ANK2: variants seen among roughly 807,000 people sequenced by gnomAD.
ANK2 encodes the protein ankyrin 2.
Under a neutral mutation model 360.5 loss-of-function variants are expected in ANK2, and 83 were observed. The ratio of observed to expected loss-of-function variants is 0.23; its 90% confidence interval spans 0.19 to 0.28. The LOEUF (loss-of-function observed/expected upper bound fraction) is 0.28, where lower values mean the gene tolerates loss of function less well. Among genes scored for constraint, ANK2 ranks in the 10% least tolerant of loss-of-function variants. The pLI is 1.00. For missense variants in ANK2, 4,201 were observed against 4,795.7 expected, an observed-to-expected ratio of 0.88 and a Z score of 3.66; for synonymous variants, 1,740 against 1,759.5, an observed-to-expected ratio of 0.99 and a Z score of 0.28.
Position 112,832,048 on chromosome 4 carries a change from C to T in ANK2, c.-40+13784C>T, listed in dbSNP as rs180877620. ...GCTTCATTCTTGAAGTCAGCGAGAC[C>T]AAGAACCCACCAATTCCGGACACAA... On this transcript the variant is annotated intron_variant, in intron 1 of 30. Transcript: ENST00000503271. Among the ~76,000 whole-genome samples the T allele has an allele frequency of 2.6e-5, 4 of 152,222 alleles. No homozygotes were observed. The East Asian group carries it at 7.7e-4, about 29-fold the overall frequency.
chr4:113,358,463 A>G lies in ANK2; in HGVS notation c.9845A>G (p.Lys3282Arg). ...CCCGATTCTTCCCCAGAAGAACAGA[A>G]ATCAGTAATCGAGATTCCTACTGCA... The part of the protein sequence containing the change: ...DSPDSSPEEQ[K>R]SVIEIPTAPM... Residue 3282 changes from lysine (K) to arginine (R), a missense_variant, in exon 38 of 46, where the codon AAA (lysine) becomes AGA (arginine). Physicochemically the swap from Lys to Arg is conservative, Grantham distance 26. Transcript: ENST00000357077. The G allele has an allele frequency of 6.2e-7, 1 of 1,614,124 alleles. No homozygotes were observed. The highest frequency in any genetic ancestry group is 8.5e-7 in the Non-Finnish European group (1 of 1,179,970).
intron 26 of ANK2, among the ~76,000 whole-genome samples, chr4:113,324,247 C>T (rs151245186): frequency 6.6e-6 from 1 of 152,238 alleles, no homozygotes; most frequent in African/African-American, 2.4e-5. Context: ...CTAGGTGAGG[C>T]AAAGGCTGAA....
chr4:113,367,700 A>C lies in ANK2; in HGVS notation c.11167A>C (p.Thr3723Pro). The change falls in exon 42 of 46, where the codon ACT (threonine) becomes CCT (proline). Residue 3723 changes from threonine to proline, a missense_variant. Around this residue, in one of 4 missense-constraint regions of ANK2, gnomAD observed 2,642 missense variants for 2,714.5 expected, o/e 0.97. Transcript: ENST00000357077. ...GGAAGACATTTCTGTTGGTTATTCC[A>C]CTTTTCAGGATGGCGTCCCCAAAAC... ...SEEDISVGYS[T>P]FQDGVPKTEG... 6.2e-7 allele frequency: 1 copy of C among 1,613,882 alleles called. No homozygotes were observed. The highest frequency in any genetic ancestry group is 8.5e-7 in the Non-Finnish European group (1 of 1,179,982).
intron 4 of ANK2, among the ~76,000 whole-genome samples, chr4:113,220,460 T>G (rs4301120): frequency 6.6e-6 from 1 of 152,258 alleles, no homozygotes; most frequent in African/African-American, 2.4e-5. Flanking sequence ...GCTTGGATAT[T>G]CCATTTTTAA....
intron 4 of ANK2, among the ~76,000 whole-genome samples, chr4:113,223,257 C>T (rs1037407575): frequency 2.6e-5 from 4 of 152,156 alleles, no homozygotes; most frequent in African/African-American, 9.7e-5. Context: ...TGTGAACATC[C>T]TCCTAGCATG....
At chr4:113,228,075 G>A (rs1030755111) in intron 4 of ANK2, among the ~76,000 whole-genome samples, 1 of 152,150 alleles carries the variant, frequency 6.6e-6, no homozygotes, top group Non-Finnish European at 1.5e-5. Context: ...ATGGTGCAAG[G>A]CACACATGTG....
intron 1 of ANK2, among the ~76,000 whole-genome samples, chr4:112,903,828 T>C (rs1339091736): frequency 6.6e-6 from 1 of 152,174 alleles, no homozygotes; most frequent in African/African-American, 2.4e-5. Flanking sequence ...GCTGGTCAGG[T>C]CACGTAAACT....
intron 32 of ANK2, among the ~76,000 whole-genome samples, chr4:113,341,076 C>T (rs2094241106): frequency 6.6e-6 from 1 of 152,150 alleles, no homozygotes; most frequent in South Asian, 2.1e-4. Context: ...GGCTGGAAAT[C>T]ATAAAGTCAT....
In ANK2 at chr4:113,356,800, G is replaced by A. The variant is rs756424757; in HGVS notation, c.8182G>A (p.Glu2728Lys). ...TTTCAAGATGAATGAAGATACTCAG[G>A]AAGAGCCAGGCAAATCAGAAGAAGA... The part of the protein sequence containing the change: ...YTFKMNEDTQ[E>K]EPGKSEEEKD... Residue 2728 changes from glutamate to lysine, a missense_variant, in exon 38 of 46, where the codon GAA (glutamate) becomes AAA (lysine). By Grantham distance (56) the Glu-to-Lys change is moderately conservative. Coordinates refer to ENST00000357077, the MANE Select transcript of ANK2 (RefSeq NM_001148.6). 26 of 1,613,952 alleles carry A rather than the reference G, an allele frequency of 1.6e-5. No homozygotes were observed. Among genetic ancestry groups the A allele is most frequent in the Admixed American group, 6.7e-5 (4 of 59,988 alleles).
chr4:112,756,732 G>A, the ANK2 span, among the ~76,000 whole-genome samples: 2 of 152,164 alleles, frequency 1.3e-5, no homozygotes, highest in Non-Finnish European at 2.9e-5. Context: ...CAACACTTTG[G>A]GAGGCCAAGG....
intron 1 of ANK2, among the ~76,000 whole-genome samples, chr4:112,861,615 T>C (rs1188532776): frequency 6.6e-6 from 1 of 152,186 alleles, no homozygotes; most frequent in African/African-American, 2.4e-5. Context: ...CTTGAGCTTA[T>C]ATATAAAATA....
intron 1 of ANK2, chr4:113,145,595 A>T (rs2096798613): frequency 9.4e-7 from 1 of 1,063,086 alleles, no homozygotes; most frequent in Admixed American, 4.3e-5. Context: ...TGACATGCAT[A>T]GCTGGCCTGG....
intron 2 of ANK2, among the ~76,000 whole-genome samples, chr4:112,994,594 G>A (rs57366063): frequency 0.042 from 6,316 of 152,106 alleles, 261 homozygotes; most frequent in East Asian, 0.24. Flanking sequence ...TCGGGCTTTT[G>A]GATTTTTAAA....
At chr4:112,810,918 T>G in the ANK2 span, among the ~76,000 whole-genome samples, 1 of 144,946 alleles carries the variant, frequency 6.9e-6, no homozygotes, top group Non-Finnish European at 1.5e-5. Context: ...TCAATTTTCT[T>G]TTTCTTTCTT....
chr4:113,029,963 G>A lies in ANK2; in HGVS notation c.21+125449G>A, dbSNP rs1407714588. Among the ~76,000 whole-genome samples the A allele has an allele frequency of 3.3e-5, 5 of 152,138 alleles. No homozygotes were observed. In the South Asian group the frequency reaches 6.2e-4, roughly 19 times the overall value. On this transcript the variant is annotated intron_variant, in intron 2 of 30. Coordinates refer to the ANK2 transcript ENST00000503271. ...TATTTGACATTGGAATGTATAATCT[G>A]CTTTACTTTTTAATTTACTTGCTAA...
intron 40 of ANK2, among the ~76,000 whole-genome samples, chr4:113,363,981 G>C (rs1487423960): frequency 6.6e-6 from 1 of 152,148 alleles, no homozygotes; most frequent in African/African-American, 2.4e-5. Flanking sequence ...AAAATGTATA[G>C]AGTCCATGGT....
At chr4:113,340,445 C>T (rs1208047505) in intron 32 of ANK2, among the ~76,000 whole-genome samples, 1 of 152,198 alleles carries the variant, frequency 6.6e-6, no homozygotes, top group Non-Finnish European at 1.5e-5. Flanking sequence ...GTAATCCCAG[C>T]ACTTTGGGAG....
intron 9 of ANK2, among the ~76,000 whole-genome samples, chr4:113,243,825 A>G (rs1297050700): frequency 6.6e-6 from 1 of 152,190 alleles, no homozygotes; most frequent in Non-Finnish European, 1.5e-5. Flanking sequence ...TACTGCCTTT[A>G]TGAGATTACC....
rs141730982 is a variant in ANK2 at position 113,114,775 on chromosome 4, T to G, written c.85-59641T>G. On this transcript the variant is annotated intron_variant, in intron 1 of 45. Coordinates refer to ENST00000357077, the MANE Select transcript of ANK2 (RefSeq NM_001148.6). Reference sequence around the variant, plus strand: ...TCTGTGCTGATGATTTTTCACTTTCTTAATGAGGTTTCTAGAAGAGGAGAG... The same window carrying G: ...TCTGTGCTGATGATTTTTCACTTTCGTAATGAGGTTTCTAGAAGAGGAGAG... Among the ~76,000 whole-genome samples the G allele has an allele frequency of 5.2e-3, 794 of 152,260 alleles. 4 individuals carry two copies. Among genetic ancestry groups the G allele is most frequent in the Middle Eastern group, 0.027 (8 of 294 alleles).
Sources: gnomAD v4.1 joint callset for allele counts (sites outside exome capture counted in the v4.1 genomes callset) on GRCh38, gnomAD v4.1.1 for gene constraint, gnomAD v4.1.1 regional missense constraint, MANE v1.5 for transcripts, NCBI Gene and HGNC (gene_info 2026-07-23, HGNC 2026-07-21) for gene names.